Variants in ARMH1 observed in about 807,000 individuals in gnomAD.
ARMH1 encodes the protein armadillo-like helical domain containing protein 1.
In ARMH1, 34 loss-of-function variants were observed where a neutral mutation model predicts 50.2. The observed-to-expected ratio is 0.68, with a 90% CI of 0.51 to 0.90. The LOEUF is 0.90. Ranked by LOEUF, ARMH1 falls within the 40% of genes least tolerant of loss-of-function variation. The pLI, the probability that ARMH1 is intolerant of heterozygous loss-of-function variation, is 0.00. For synonymous variants in ARMH1, 221 were observed against 224.2 expected (o/e 0.99, Z 0.13); for missense variants, 538 against 553.9 (o/e 0.97, Z 0.29).
intron 6 of ARMH1, among the ~76,000 whole-genome samples, chr1:44,709,485 A>C (rs1284390070): frequency 6.6e-6 from 1 of 152,182 alleles, no homozygotes; most frequent in Non-Finnish European, 1.5e-5. Flanking sequence ...ATCCTGGCTA[A>C]CACGGTGAAA....
chr1:44,718,528 G>T (rs1039527461), intron 6 of ARMH1, among the ~76,000 whole-genome samples: 1 of 152,172 alleles, frequency 6.6e-6, no homozygotes, highest in African/African-American at 2.4e-5. Context: ...AGTGTTTGGG[G>T]GAAGCCAGGG....
chr1:44,722,310 TAAG>T (rs1647393598), intron 6 of ARMH1, among the ~76,000 whole-genome samples: 1 of 152,048 alleles, frequency 6.6e-6, no homozygotes, highest in Admixed American at 6.6e-5. Flanking sequence ...TCCCTGCACT[TAAG>T]GAGGCAGAGG....
intron 2 of ARMH1, among the ~76,000 whole-genome samples, chr1:44,691,840 G>A (rs1476296339): frequency 6.6e-6 from 1 of 152,196 alleles, no homozygotes; most frequent in Non-Finnish European, 1.5e-5. Context: ...ATGTGGAAGA[G>A]AACATAAGAA....
chr1:44,716,194 G>T (rs995954256), intron 6 of ARMH1, among the ~76,000 whole-genome samples: 1 of 150,938 alleles, frequency 6.6e-6, no homozygotes, highest in African/African-American at 2.4e-5. Context: ...CTTCTTTGCT[G>T]TCTATGGCAC....
intron 6 of ARMH1, among the ~76,000 whole-genome samples, chr1:44,721,128 T>C (rs1365700245): frequency 6.6e-6 from 1 of 152,022 alleles, no homozygotes; most frequent in Admixed American, 6.6e-5. Context: ...GCATACATAC[T>C]TTAAGTTGGA....
chr1:44,707,922 G>A (rs1300403436), intron 6 of ARMH1, among the ~76,000 whole-genome samples: 1 of 152,142 alleles, frequency 6.6e-6, no homozygotes, highest in Non-Finnish European at 1.5e-5. Flanking sequence ...CATGCCTCAA[G>A]GTAATTTCAG....
chr1:44,723,261 C>T (rs1351586920), intron 6 of ARMH1, among the ~76,000 whole-genome samples: 7 of 152,120 alleles, frequency 4.6e-5, no homozygotes, highest in Admixed American at 3.3e-4. Flanking sequence ...ACCATATCAT[C>T]GCTGCCTGTT....
At chr1:44,709,422 C>T (rs185124455) in intron 6 of ARMH1, among the ~76,000 whole-genome samples, 4,747 of 152,298 alleles carry the variant, frequency 0.031, 114 homozygotes, top group Non-Finnish European at 0.05. Context: ...CCTTTAATCC[C>T]AGCACTTTGG....
rs1287029745 is a variant in ARMH1, at chr1:44,724,132, G to T, written c.735G>T (p.Leu245Phe). ...HLEVQYEAIE[L>F]IKDLVGYDVR... Reference sequence around the variant, plus strand: ...TCTGCCCTTCCGCAGCCATCGAGTTGATCAAAGACCTGGTCGGTTACGATG... The same window carrying T: ...TCTGCCCTTCCGCAGCCATCGAGTTTATCAAAGACCTGGTCGGTTACGATG... The change falls in exon 7 of 12, where the codon TTG becomes TTT. Residue 245 changes from leucine (L) to phenylalanine (F), a missense_variant. Leu to Phe is a conservative substitution (Grantham distance 22, BLOSUM62 0). Transcript: ENST00000535358. The surrounding 1 kb of genome is among the most constrained non-coding windows in gnomAD (Gnocchi z 6.4). 1 of 1,551,650 alleles carries T rather than the reference G, an allele frequency of 6.4e-7. No individual in the cohort carries two copies. Among genetic ancestry groups the T allele is most frequent in the Middle Eastern group, 1.7e-4 (1 of 5,990 alleles).
rs10531731 is a variant in ARMH1 at position 44,694,509 on chromosome 1, C to CT, written c.207-2575dup. Among the ~76,000 whole-genome samples, 160 of 113,626 alleles carry CT rather than the reference C, an allele frequency of 1.4e-3. 1 individual carries two copies. The highest frequency in any genetic ancestry group is 5.7e-3 in the South Asian group (20 of 3,522). The allele number at this position is 113,626 out of a possible 152,430, so 74.5% of individuals were successfully genotyped here. A position where few individuals can be genotyped will look rare whatever the true frequency, so the allele number is the denominator to read the frequency against. Reference sequence around the variant, plus strand: ...ATTTATTGAGTCTTTTTCTTTTTTTCTTTTTTTTTTTTTTTTTTGAGACAG... The same window carrying CT: ...ATTTATTGAGTCTTTTTCTTTTTTTCTTTTTTTTTTTTTTTTTTTGAGACAG... On this transcript the variant is annotated intron_variant, in intron 2 of 11. Transcript: ENST00000535358.
At position 44,707,183 on chromosome 1, in the gene ARMH1, C is replaced by T. The variant is rs369396857; in HGVS notation, c.724+3010C>T. On this transcript the variant is annotated intron_variant, in intron 6 of 11. Transcript: ENST00000535358. ...CTGTGTGCAATTTCAGCTCAGCCATCATGGCTTTTATCCTTATATCCTCAG... is the reference window on the plus strand; with the variant it reads ...CTGTGTGCAATTTCAGCTCAGCCATTATGGCTTTTATCCTTATATCCTCAG... 5.9e-5 allele frequency among the ~76,000 whole-genome samples: 9 copies of T among 151,626 alleles called. No individual in the cohort carries two copies. In the South Asian group the frequency reaches 1.9e-3, roughly 32 times the overall value.
At chr1:44,699,277 C>T (rs1354027159) in intron 4 of ARMH1, among the ~76,000 whole-genome samples, 2 of 138,902 alleles carry the variant, frequency 1.4e-5, no homozygotes, top group African/African-American at 2.7e-5. Context: ...GAGCAAGACT[C>T]CGTCTCAAAA....
intron 1 of ARMH1, among the ~76,000 whole-genome samples, chr1:44,687,855 T>C (rs1371990945): frequency 6.6e-6 from 1 of 152,120 alleles, no homozygotes. Flanking sequence ...AAGGAAACAT[T>C]GAGGAGCCGT....
chr1:44,697,229 C>T (rs1285913661), intron 3 of ARMH1, 59 bp downstream of exon 3: 1 of 1,355,834 alleles, frequency 7.4e-7, no homozygotes, highest in Non-Finnish European at 1.0e-6. Context: ...CTCATGATGT[C>T]TTTGGCATTC....
At chr1:44,719,851 GT>G (rs896835414) in intron 6 of ARMH1, among the ~76,000 whole-genome samples, 1 of 152,186 alleles carries the variant, frequency 6.6e-6, no homozygotes, top group African/African-American at 2.4e-5. Context: ...GTGGTGCCCA[GT>G]TCTGGGGTGG....
At chr1:44,720,510 AG>A (rs1374791103) in intron 6 of ARMH1, among the ~76,000 whole-genome samples, 1 of 152,232 alleles carries the variant, frequency 6.6e-6, no homozygotes, top group Non-Finnish European at 1.5e-5. Flanking sequence ...GGTAAACAGA[AG>A]TGAGATGTGT....
intron 2 of ARMH1, 56 bp downstream of exon 2, chr1:44,689,959 C>G: frequency 6.8e-7 from 1 of 1,480,024 alleles, no homozygotes; most frequent in South Asian, 1.2e-5. Context: ...GTGGCTCACG[C>G]CTGTAATCCC....
intron 3 of ARMH1, 136 bp from the exon 4 acceptor site, chr1:44,697,927 G>T (rs754991899): frequency 1.1e-5 from 6 of 567,240 alleles, no homozygotes; most frequent in African/African-American, 1.9e-5. Context: ...TTCCACACTC[G>T]TATCACTTTA....
intron 1 of ARMH1, 143 bp from the exon 2 acceptor site, chr1:44,689,533 C>G (rs1645587286): frequency 1.6e-6 from 1 of 634,832 alleles, no homozygotes; most frequent in African/African-American, 1.8e-5. Context: ...AGCAGGTGAC[C>G]AGTTCTAGAG....
Sources: gnomAD v4.1 joint callset for allele counts (sites outside exome capture counted in the v4.1 genomes callset) on GRCh38, gnomAD v4.1.1 for gene constraint, Gnocchi (gnomAD v3.1) non-coding constraint, MANE v1.5 for transcripts, NCBI Gene and HGNC (gene_info 2026-07-23, HGNC 2026-07-21) for gene names.